Variants in MERTK observed in about 807,000 individuals in gnomAD.
MERTK encodes the protein tyrosine-protein kinase Mer.
MERTK carries 69 observed loss-of-function variants against 99.3 expected under a neutral mutation model. The observed-to-expected ratio is 0.70, with a 90% CI of 0.57 to 0.85. MERTK has a LOEUF of 0.85. Among genes scored for constraint, MERTK ranks in the 40% least tolerant of loss-of-function variants. The probability of loss-of-function intolerance (pLI) is 0.00; values close to 1 mark genes in which losing one functional copy is unlikely to be tolerated. For synonymous variants in MERTK, 426 were observed against 467.6 expected (o/e 0.91, Z 1.15); for missense variants, 1,125 against 1,249.4 (o/e 0.90, Z 1.50).
chr2:111,962,481 G>A (rs1284590512), intron 4 of MERTK, among the ~76,000 whole-genome samples: 3 of 152,102 alleles, frequency 2.0e-5, no homozygotes, highest in Non-Finnish European at 4.4e-5. Flanking sequence ...CCTGGGTGAT[G>A]ACAGAGTGAG....
chr2:112,021,627 G>A, intron 17 of MERTK, 46 bp downstream of exon 17: 1 of 1,549,112 alleles, frequency 6.5e-7, no homozygotes, highest in Non-Finnish European at 8.9e-7. Flanking sequence ...ACAAAGAGGA[G>A]GGCATATTGA....
At chr2:112,007,487 A>T (rs961506376) in intron 13 of MERTK, among the ~76,000 whole-genome samples, 1 of 151,996 alleles carries the variant, frequency 6.6e-6, no homozygotes, top group Non-Finnish European at 1.5e-5. Context: ...CTGAACCTCT[A>T]CACCTACCGA....
intron 2 of MERTK, among the ~76,000 whole-genome samples, chr2:111,938,870 A>G (rs1318149728): frequency 1.3e-5 from 2 of 152,150 alleles, no homozygotes; most frequent in Admixed American, 6.5e-5. Context: ...ATCCCTATGT[A>G]ATCCTATGTA....
chr2:111,973,673 C>T (rs1358760129), intron 6 of MERTK, among the ~76,000 whole-genome samples: 4 of 152,120 alleles, frequency 2.6e-5, no homozygotes, highest in African/African-American at 9.7e-5. Context: ...TACCCGATAT[C>T]ATTTTGTCTG....
Position 111,944,534 on chromosome 2 carries a change from G to GTTTTAAGGAATTATT in MERTK, c.483-426_483-425insTTTTAAGGAATTATT, listed in dbSNP as rs1573589856. ...ATAATTCCTCTGTTTTAAGGAATTAGCTCACACACAGTGGGGGCTGACAAA... is the reference window on the plus strand; with the variant it reads ...ATAATTCCTCTGTTTTAAGGAATTAGTTTTAAGGAATTATTCTCACACACAGTGGGGGCTGACAAA... On this transcript the variant is annotated intron_variant, in intron 2 of 18. Transcript: ENST00000295408. 1.3e-4 allele frequency among the ~76,000 whole-genome samples: 3 copies of GTTTTAAGGAATTATT among 23,604 alleles called. 1 individual carries two copies. Among genetic ancestry groups the GTTTTAAGGAATTATT allele is most frequent in the Non-Finnish European group, 1.9e-4 (2 of 10,480 alleles). The allele number at this position is 23,604 out of a possible 152,430, so 15.5% of individuals were successfully genotyped here. A position where few individuals can be genotyped will look rare whatever the true frequency, so the allele number is the denominator to read the frequency against.
chr2:112,014,003 C>T (rs1036687287), intron 15 of MERTK, among the ~76,000 whole-genome samples: 1 of 150,574 alleles, frequency 6.6e-6, no homozygotes, highest in African/African-American at 2.4e-5. Flanking sequence ...TACAGGCATG[C>T]GCTATCATGC....
chr2:111,954,258 G>A (rs1016902618), intron 4 of MERTK, among the ~76,000 whole-genome samples: 1 of 152,174 alleles, frequency 6.6e-6, no homozygotes, highest in Non-Finnish European at 1.5e-5. Flanking sequence ...AGGCCCATGA[G>A]CGACTGTGCC....
chr2:111,923,242 CAG>C (rs1395431065), intron 1 of MERTK, among the ~76,000 whole-genome samples: 1 of 152,220 alleles, frequency 6.6e-6, no homozygotes, highest in Non-Finnish European at 1.5e-5. Flanking sequence ...CAAACTCACA[CAG>C]AAAAATGGGC....
In MERTK at chr2:111,983,941, A is replaced by T. The variant is rs193135060; in HGVS notation, c.1296+948A>T. Among the ~76,000 whole-genome samples the T allele has an allele frequency of 5.9e-5, 9 of 152,354 alleles. No individual in the cohort carries two copies. The East Asian group carries it at 1.5e-3, about 26-fold the overall frequency. On this transcript the variant is annotated intron_variant, in intron 8 of 18. Transcript: ENST00000295408. The stretch of plus-strand genomic sequence containing the variant: ...TTGAATTGGGCTTGTGTGTTAGTCA[A>T]GATTCTTTAGAGAAACAGCTAATTG...
At chr2:112,010,143 T>C in intron 15 of MERTK, 77 bp downstream of exon 15, 1 of 1,104,408 alleles carries the variant, frequency 9.1e-7, no homozygotes. Context: ...AATCATCTAA[T>C]CTTGAAAGTG....
intron 15 of MERTK, among the ~76,000 whole-genome samples, chr2:112,017,069 G>A (rs756394127): frequency 5.9e-5 from 9 of 152,178 alleles, no homozygotes; most frequent in Non-Finnish European, 8.8e-5. Flanking sequence ...GGACTCAAGC[G>A]GGTTGCCACT....
chr2:111,946,384 G>A (rs949150658), intron 3 of MERTK, among the ~76,000 whole-genome samples: 5 of 152,136 alleles, frequency 3.3e-5, no homozygotes, highest in Admixed American at 6.5e-5. Context: ...TAACTGCCAC[G>A]TCATTCCTGC....
rs887421954 is a variant in MERTK at position 112,022,889 on chromosome 2, G to A, written c.2486+495G>A. Among the ~76,000 whole-genome samples the A allele has an allele frequency of 3.9e-5, 6 of 152,082 alleles. No homozygotes were observed. The South Asian group carries it at 1.0e-3, about 26-fold the overall frequency. The stretch of plus-strand genomic sequence containing the variant: ...TGGGGTCAGGCTGCTCATCAGAATC[G>A]CTTGGGAGATAGTGTAACAATACGA... On this transcript the variant is annotated intron_variant, in intron 18 of 18. Coordinates refer to ENST00000295408, the MANE Select transcript of MERTK (RefSeq NM_006343.3).
chr2:111,979,274 T>C (rs991227789), intron 7 of MERTK, among the ~76,000 whole-genome samples: 3 of 152,218 alleles, frequency 2.0e-5, no homozygotes, highest in Admixed American at 6.5e-5. Context: ...TTTCCAAATA[T>C]AGAAATTTAG....
intron 2 of MERTK, among the ~76,000 whole-genome samples, chr2:111,933,016 G>A (rs1249813823): frequency 6.6e-6 from 1 of 152,166 alleles, no homozygotes; most frequent in Non-Finnish European, 1.5e-5. Context: ...AGATTTAGGC[G>A]GTTTTTAATC....
In MERTK at chr2:111,975,190, G is replaced by A. The variant is rs576933276; in HGVS notation, c.961-99G>A. ...AAGGAAGCAGGTCCTTCCCCTTAGC[G>A]TAGAGGAAGGGCCACGTGCACCGAA... On this transcript the variant is annotated intron_variant, in intron 6 of 18. Transcript: ENST00000295408. The A allele has an allele frequency of 4.3e-5, 49 of 1,146,602 alleles. 1 individual carries two copies. Among genetic ancestry groups the A allele is most frequent in the South Asian group, 2.0e-4 (16 of 81,108 alleles). 71.0% of individuals were successfully genotyped at this position (1,146,602 alleles called of 1,614,324 possible).
rs1385722582 is a variant in MERTK, at chr2:112,028,606, G to A, written c.2742G>A (p.Val914=). 3 of 1,614,052 alleles carry A rather than the reference G, an allele frequency of 1.9e-6. No individual in the cohort carries two copies. Among genetic ancestry groups the A allele is most frequent in the African/African-American group, 1.3e-5 (1 of 74,916 alleles). ...GCACTCCCCGCGCTGCCATCAGTGT[G>A]GTCACAGCAGAAGTTCATGACAGCA... ...ASCTPRAAIS[V]VTAEVHDSKP... Residue 914 remains valine (V), a synonymous_variant, in exon 19 of 19, where the codon GTG becomes GTA. Coordinates refer to ENST00000295408, the MANE Select transcript of MERTK (RefSeq NM_006343.3).
chr2:111,985,537 T>G (rs1252620560), intron 8 of MERTK, among the ~76,000 whole-genome samples: 2 of 152,212 alleles, frequency 1.3e-5, no homozygotes, highest in African/African-American at 4.8e-5. Context: ...GTTTTCACAC[T>G]GCTAATAAAG....
chr2:111,909,646 A>G (rs781344718), intron 1 of MERTK, among the ~76,000 whole-genome samples: 1 of 152,200 alleles, frequency 6.6e-6, no homozygotes, highest in African/African-American at 2.4e-5. Flanking sequence ...TATGTCTTTA[A>G]ATGAATGCAC....
Sources: allele counts gnomAD v4.1 joint callset (sites outside exome capture counted in the v4.1 genomes callset), GRCh38; gene constraint gnomAD v4.1.1; transcripts MANE v1.5; gene names NCBI Gene and HGNC (gene_info 2026-07-23, HGNC 2026-07-21).